FBLN2: variants seen among roughly 807,000 people sequenced by gnomAD.
FBLN2 encodes fibulin 2.
A neutral mutation model predicts 123.7 loss-of-function variants in FBLN2; 81 were observed. The observed-to-expected ratio is 0.65, with a 90% CI of 0.55 to 0.79. FBLN2 has a LOEUF of 0.79. Among genes scored for constraint, FBLN2 ranks in the 30% least tolerant of loss-of-function variants. The probability of loss-of-function intolerance (pLI) is 0.00; values close to 1 mark genes in which losing one functional copy is unlikely to be tolerated. For missense variants in FBLN2, 1,603 were observed against 1,681.3 expected (o/e 0.95, Z 0.81); for synonymous variants, 699 against 701.4 (o/e 1.00, Z 0.05).
intron 17 of FBLN2, 24 bp downstream of exon 17, chr3:13,636,592 A>C: frequency 6.2e-7 from 1 of 1,609,864 alleles, no homozygotes; most frequent in Non-Finnish European, 8.5e-7. Context: ...CCCCAGTCCC[A>C]GTCCCAGGGA....
intron 7 of FBLN2, among the ~76,000 whole-genome samples, 165 bp from the exon 8 acceptor site, chr3:13,619,565 T>A (rs933811940): frequency 1.3e-5 from 2 of 152,230 alleles, no homozygotes; most frequent in African/African-American, 4.8e-5. Context: ...TGGATGAACC[T>A]GTGAAAAGGA....
intron 5 of FBLN2, among the ~76,000 whole-genome samples, chr3:13,617,294 TCATC>T (rs1197525811): frequency 6.8e-6 from 1 of 147,506 alleles, no homozygotes; most frequent in African/African-American, 2.5e-5. Flanking sequence ...ATCTACCCAT[TCATC>T]CATCCATTCA....
intron 1 of FBLN2, among the ~76,000 whole-genome samples, chr3:13,563,949 A>G (rs998822222): frequency 6.6e-6 from 1 of 152,202 alleles, no homozygotes; most frequent in East Asian, 1.9e-4. Flanking sequence ...TGGAGTGTTC[A>G]GGCTGGTAGA....
chr3:13,570,052 G>A (rs534638634), intron 1 of FBLN2, among the ~76,000 whole-genome samples: 62 of 152,116 alleles, frequency 4.1e-4, no homozygotes, highest in Non-Finnish European at 6.5e-4. Flanking sequence ...GGATGGAGTG[G>A]CCCAGCAAAC....
At chr3:13,617,380 A>G (rs529434215) in intron 5 of FBLN2, among the ~76,000 whole-genome samples, 2 of 151,306 alleles carry the variant, frequency 1.3e-5, no homozygotes, top group African/African-American at 4.9e-5. Flanking sequence ...TCATCCACCC[A>G]TCCACCCACT....
intron 1 of FBLN2, among the ~76,000 whole-genome samples, chr3:13,552,406 G>T (rs55913658): frequency 2.0e-4 from 30 of 152,038 alleles, no homozygotes; most frequent in African/African-American, 6.3e-4. Flanking sequence ...TGTCCTGCCC[G>T]GTGGTGGACG....
chr3:13,620,027 T>C (rs1241743087), intron 8 of FBLN2, among the ~76,000 whole-genome samples, 196 bp downstream of exon 8: 1 of 152,170 alleles, frequency 6.6e-6, no homozygotes, highest in Non-Finnish European at 1.5e-5. Context: ...ATACATGCAC[T>C]CCAGGGTGGG....
intron 1 of FBLN2, among the ~76,000 whole-genome samples, chr3:13,569,477 G>A (rs932562266): frequency 6.6e-6 from 1 of 152,014 alleles, no homozygotes; most frequent in Non-Finnish European, 1.5e-5. Context: ...TGGGGACAGG[G>A]CCTAGAGATG....
At position 13,621,832 on chromosome 3, in the gene FBLN2, A is replaced by G; in HGVS notation, c.2213A>G (p.Asn738Ser). Reference sequence around the variant, plus strand: ...TGTAGCCGGCGACAGTTCTGTGTGAACACCCTGGGATCCTTCTACTGTGTC... The same window carrying G: ...TGTAGCCGGCGACAGTTCTGTGTGAGCACCCTGGGATCCTTCTACTGTGTC... ...HDCSRRQFCV[N>S]TLGSFYCVNH... is the part of the protein sequence containing the mutation. Residue 738 changes from asparagine (N) to serine (S), a missense_variant, in exon 9 of 18, where the codon AAC becomes AGC. Physicochemically the swap from Asn to Ser is conservative, Grantham distance 46. Coordinates refer to ENST00000404922, the MANE Select transcript of FBLN2 (RefSeq NM_001004019.2). 1 of 1,613,972 alleles carries G rather than the reference A, an allele frequency of 6.2e-7. No individual in the cohort carries two copies. Among genetic ancestry groups the G allele is most frequent in the Non-Finnish European group, 8.5e-7 (1 of 1,179,876 alleles).
At chr3:13,620,513 C>T (rs750685799) in intron 8 of FBLN2, among the ~76,000 whole-genome samples, 7 of 152,198 alleles carry the variant, frequency 4.6e-5, no homozygotes, top group African/African-American at 1.7e-4. Context: ...CCCGTGGCCC[C>T]GCCTAGGTCT....
Position 13,570,751 on chromosome 3 carries a change from A to T in FBLN2, c.396A>T (p.Pro132=), listed in dbSNP as rs1053882652. The change falls in exon 2 of 18, where the codon CCA becomes CCT. Residue 132 remains proline (P), a synonymous_variant. Transcript: ENST00000404922. Reference sequence around the variant, plus strand: ...CTGTAGTGGTGGCTGACAGCTGCCCACAGTGCGGCCAGGTGGGCTGCGTCC... The same window carrying T: ...CTGTAGTGGTGGCTGACAGCTGCCCTCAGTGCGGCCAGGTGGGCTGCGTCC... ...IEAVVVADSC[P]QCGQVGCVHA... is the part of the protein sequence containing the mutation. 2.1e-5 allele frequency: 33 copies of T among 1,601,170 alleles called. No homozygotes were observed. The highest frequency in any genetic ancestry group is 2.6e-5 in the Non-Finnish European group (30 of 1,174,502).
At chr3:13,634,326 G>A (rs1706376852) in intron 16 of FBLN2, among the ~76,000 whole-genome samples, 1 of 152,242 alleles carries the variant, frequency 6.6e-6, no homozygotes, top group Admixed American at 6.5e-5. Context: ...GCTCTCCAGG[G>A]GCCTGGCAGC....
chr3:13,579,338 A>G (rs113043496), intron 2 of FBLN2, among the ~76,000 whole-genome samples: 109 of 152,346 alleles, frequency 7.2e-4, no homozygotes, highest in African/African-American at 2.6e-3. Flanking sequence ...TGTAGTCTCC[A>G]GAGAAGTCCA....
At chr3:13,619,070 G>A (rs990379250) in intron 7 of FBLN2, 53 bp downstream of exon 7, 269 of 1,399,050 alleles carry the variant, frequency 1.9e-4, no homozygotes, top group Non-Finnish European at 2.5e-4. Context: ...CAGGGGGTGG[G>A]TCTGGGCTGC....
At chr3:13,601,641 T>C (rs1255878076) in intron 2 of FBLN2, among the ~76,000 whole-genome samples, 1 of 152,142 alleles carries the variant, frequency 6.6e-6, no homozygotes, top group Non-Finnish European at 1.5e-5. Context: ...CAAATACTCA[T>C]TGAACACCCA....
rs759854245 is a variant in FBLN2, at chr3:13,629,319, TG to T, written c.2842+31del. On this transcript the variant is annotated intron_variant, in intron 13 of 17. Coordinates refer to ENST00000404922, the MANE Select transcript of FBLN2 (RefSeq NM_001004019.2). Reference sequence around the variant, plus strand: ...TAGGTAGGCTGGTGGCCAGGACCCCTGGGGAACACCTGGCTGGTCCCCTGCC... The same window carrying T: ...TAGGTAGGCTGGTGGCCAGGACCCCTGGGAACACCTGGCTGGTCCCCTGCC... 9.4e-5 allele frequency: 149 copies of T among 1,588,544 alleles called. 1 individual carries two copies. The South Asian group carries it at 1.6e-3, about 17-fold the overall frequency.
chr3:13,559,462 A>G (rs1703550561), intron 1 of FBLN2, among the ~76,000 whole-genome samples: 1 of 152,222 alleles, frequency 6.6e-6, no homozygotes, highest in South Asian at 2.1e-4. Context: ...CTAATACAGT[A>G]GGAAAGAGAG....
intron 5 of FBLN2, 125 bp downstream of exon 5, chr3:13,614,289 T>A (rs1312973019): frequency 2.1e-6 from 2 of 931,114 alleles, no homozygotes; most frequent in Non-Finnish European, 3.1e-6. Context: ...CTAAACAGAG[T>A]TCTGAGGATG....
chr3:13,631,483 C>T lies in FBLN2; in HGVS notation c.3214+26C>T, dbSNP rs773412106. 37 of 1,565,716 alleles carry T rather than the reference C, an allele frequency of 2.4e-5. No homozygotes were observed. The Middle Eastern group carries it at 6.7e-4, about 28-fold the overall frequency. ...GTGAGCAAGTCCCCCCACACGCCCC[C>T]GCCTCCATCAGGGCCTTGGGCAGGC... On this transcript the variant is annotated intron_variant, in intron 16 of 17. Coordinates refer to ENST00000404922, the MANE Select transcript of FBLN2 (RefSeq NM_001004019.2).
Sources: allele counts gnomAD v4.1 joint callset (sites outside exome capture counted in the v4.1 genomes callset), GRCh38; gene constraint gnomAD v4.1.1; transcripts MANE v1.5; gene names NCBI Gene and HGNC (gene_info 2026-07-23, HGNC 2026-07-21).